Variants in EYA2 observed in about 807,000 individuals in gnomAD.
EYA2 encodes protein phosphatase EYA2.
EYA2 carries 31 observed loss-of-function variants against 69.2 expected under a neutral mutation model. That is an observed-to-expected ratio of 0.45 (90% CI 0.34 to 0.60). EYA2 has a LOEUF of 0.60. Ranked by LOEUF, EYA2 falls within the 20% of genes least tolerant of loss-of-function variation. EYA2 has a pLI of 0.02. For missense variants in EYA2, 622 were observed against 701.2 expected (o/e 0.89, Z 1.28); for synonymous variants, 257 against 279.4 (o/e 0.92, Z 0.80).
chr20:46,947,813 A>G (rs931118295), intron 1 of EYA2, among the ~76,000 whole-genome samples: 1 of 152,222 alleles, frequency 6.6e-6, no homozygotes, highest in African/African-American at 2.4e-5. Context: ...TTTGGTCAAC[A>G]GCATTAAGAT....
chr20:46,943,652 C>G (rs1023450015), intron 1 of EYA2, among the ~76,000 whole-genome samples: 3 of 152,174 alleles, frequency 2.0e-5, no homozygotes, highest in Non-Finnish European at 4.4e-5. Flanking sequence ...CTGTTTCTCC[C>G]TGAAGGATTT....
chr20:47,182,628 T>TCAAAAAAAAAAAACA (rs779945744), intron 14 of EYA2, among the ~76,000 whole-genome samples: 1 of 84,340 alleles, frequency 1.2e-5, no homozygotes, highest in Non-Finnish European at 2.1e-5. Context: ...AGACTCCGTC[T>TCAAAAAAAAAAAACA]AAAAAAAAAA....
chr20:47,182,498 G>A (rs528376915), intron 14 of EYA2, among the ~76,000 whole-genome samples: 10 of 151,220 alleles, frequency 6.6e-5, no homozygotes, highest in Non-Finnish European at 8.9e-5. Flanking sequence ...GCATGGTGGC[G>A]GGTACCTGTA....
At chr20:46,965,476 TG>T (rs1979719487) in intron 1 of EYA2, among the ~76,000 whole-genome samples, 1 of 151,864 alleles carries the variant, frequency 6.6e-6, no homozygotes, top group South Asian at 2.1e-4. Context: ...TGGGCAAAGG[TG>T]GGGGGTTGGA....
chr20:47,048,018 T>TG (rs11484311), intron 5 of EYA2, among the ~76,000 whole-genome samples: 25,888 of 152,174 alleles, frequency 0.17, 2,434 homozygotes, highest in African/African-American at 0.24. Flanking sequence ...TTGGGCTCAC[T>TG]GATAATCCAG....
intron 1 of EYA2, among the ~76,000 whole-genome samples, chr20:46,962,084 A>G (rs1486135801): frequency 1.3e-5 from 2 of 152,182 alleles, no homozygotes; most frequent in African/African-American, 4.8e-5. Flanking sequence ...TCTGGAGTGC[A>G]GTAGCACGAT....
chr20:47,178,815 G>GGGTA, intron 12 of EYA2, among the ~76,000 whole-genome samples: 1 of 36,360 alleles, frequency 2.8e-5, no homozygotes, highest in East Asian at 8.1e-4. Flanking sequence ...ATGGGTGGAT[G>GGGTA]GGTGGGTGGG....
intron 10 of EYA2, among the ~76,000 whole-genome samples, chr20:47,148,736 G>T (rs1447019357): frequency 6.6e-6 from 1 of 152,184 alleles, no homozygotes; most frequent in Admixed American, 6.5e-5. Flanking sequence ...CTGGGTCATG[G>T]GTAAGGGTGG....
In EYA2 at chr20:47,116,781, G is replaced by A. The variant is rs186305282; in HGVS notation, c.888+19613G>A. Among the ~76,000 whole-genome samples the A allele has an allele frequency of 5.2e-4, 79 of 152,294 alleles. 2 individuals are homozygous for A. In the South Asian group the frequency reaches 0.016, roughly 31 times the overall value. On this transcript the variant is annotated intron_variant, in intron 9 of 15. Coordinates refer to ENST00000327619, the MANE Select transcript of EYA2 (RefSeq NM_005244.5). The stretch of plus-strand genomic sequence containing the variant: ...CACCTGCATGTGAATCTTTGGCTCT[G>A]GGTCAGCATCCTGGGAGACCCAAAC...
At chr20:47,066,400 A>G (rs577155583) in intron 5 of EYA2, among the ~76,000 whole-genome samples, 9 of 152,282 alleles carry the variant, frequency 5.9e-5, no homozygotes, top group Non-Finnish European at 8.8e-5. Flanking sequence ...AAGAAAACCA[A>G]TCAACCAAAA....
chr20:47,009,928 C>T (rs963092202), intron 4 of EYA2, among the ~76,000 whole-genome samples: 4 of 152,206 alleles, frequency 2.6e-5, no homozygotes, highest in Non-Finnish European at 5.9e-5. Flanking sequence ...GCTTTTTCCA[C>T]CCAACATTGT....
Position 46,937,001 on chromosome 20 carries a change from C to A in EYA2, c.-11+42014C>A, listed in dbSNP as rs1415053437. 2.6e-5 allele frequency among the ~76,000 whole-genome samples: 4 copies of A among 152,330 alleles called. No homozygotes were observed. In the East Asian group the frequency reaches 7.7e-4, roughly 29 times the overall value. ...CAGTCCAAAGTGATTTTAAGTGCCC[C>A]AGCTAAGTGCCGGCCAGAATGGGGA... On this transcript the variant is annotated intron_variant, in intron 1 of 15. Coordinates refer to ENST00000327619, the MANE Select transcript of EYA2 (RefSeq NM_005244.5).
At chr20:46,945,002 G>T (rs1467286388) in intron 1 of EYA2, among the ~76,000 whole-genome samples, 1 of 152,088 alleles carries the variant, frequency 6.6e-6, no homozygotes, top group Non-Finnish European at 1.5e-5. Context: ...TACTCAGGAG[G>T]CTGGAGCAGG....
chr20:47,144,877 A>AAAAC (rs137956204), intron 10 of EYA2, among the ~76,000 whole-genome samples: 1 of 152,234 alleles, frequency 6.6e-6, no homozygotes, highest in African/African-American at 2.4e-5. Flanking sequence ...CACAAGAGAG[A>AAAAC]AAACAAACAA....
At chr20:47,017,511 A>C (rs1371279472) in intron 5 of EYA2, among the ~76,000 whole-genome samples, 1 of 152,214 alleles carries the variant, frequency 6.6e-6, no homozygotes, top group African/African-American at 2.4e-5. Context: ...TTATTAAGGA[A>C]GTAATAAAAA....
chr20:47,079,321 T>C (rs961959373), intron 7 of EYA2, among the ~76,000 whole-genome samples: 1 of 152,188 alleles, frequency 6.6e-6, no homozygotes, highest in Non-Finnish European at 1.5e-5. Context: ...GCAACATGGC[T>C]CTCACTGAAC....
rs1446862739 is a variant in EYA2, at chr20:47,117,318, G to C, written c.888+20150G>C. ...AGCCACCGCACCCAGCCAAGCATCTGCATTTAACTCCATCCCCAGGCCATC... is the reference window on the plus strand; with the variant it reads ...AGCCACCGCACCCAGCCAAGCATCTCCATTTAACTCCATCCCCAGGCCATC... On this transcript the variant is annotated intron_variant, in intron 9 of 15. Transcript: ENST00000327619. 3.1e-6 allele frequency: 3 copies of C among 966,014 alleles called. No individual in the cohort carries two copies. In the African/African-American group the frequency reaches 5.3e-5, roughly 17 times the overall value. The allele number at this position is 966,014 out of a possible 1,614,324, so 59.8% of individuals were successfully genotyped here.
chr20:47,148,489 A>C (rs1479554560), intron 10 of EYA2, among the ~76,000 whole-genome samples: 1 of 152,174 alleles, frequency 6.6e-6, no homozygotes, highest in Non-Finnish European at 1.5e-5. Flanking sequence ...GAAAACTATA[A>C]CTAGCTTGCC....
At chr20:47,038,516 C>T (rs1984843687) in intron 5 of EYA2, among the ~76,000 whole-genome samples, 1 of 152,098 alleles carries the variant, frequency 6.6e-6, no homozygotes, top group African/African-American at 2.4e-5. Context: ...TAAATATAAA[C>T]TACTGCTTCT....
Sources: gnomAD v4.1 joint callset for allele counts (sites outside exome capture counted in the v4.1 genomes callset) on GRCh38, gnomAD v4.1.1 for gene constraint, MANE v1.5 for transcripts, NCBI Gene and HGNC (gene_info 2026-07-23, HGNC 2026-07-21) for gene names.